TENM3: variants seen among roughly 807,000 people sequenced by gnomAD.
TENM3 encodes the protein teneurin-3.
In TENM3, 63 loss-of-function variants were observed where a neutral mutation model predicts 255.1. The ratio of observed to expected loss-of-function variants is 0.25; its 90% confidence interval spans 0.20 to 0.30. TENM3 has a LOEUF of 0.30. TENM3 is among the 10% of genes least tolerant of loss of function. The probability of loss-of-function intolerance (pLI) is 1.00; values close to 1 mark genes in which losing one functional copy is unlikely to be tolerated. For missense variants in TENM3, 2,929 were observed against 3,461.1 expected (o/e 0.85, Z 3.86); for synonymous variants, 1,306 against 1,322.3 (o/e 0.99, Z 0.27).
chr4:181,997,330 C>T, the TENM3 span, among the ~76,000 whole-genome samples: 1 of 152,200 alleles, frequency 6.6e-6, no homozygotes, highest in East Asian at 1.9e-4. Context: ...ACGTGTGATA[C>T]CTTTCAACGG....
chr4:181,506,527 A>G, the TENM3 span, among the ~76,000 whole-genome samples: 1 of 152,152 alleles, frequency 6.6e-6, no homozygotes. Context: ...ATCATGGAGA[A>G]GTCAAGGGAT....
At chr4:182,482,464 C>G (rs1441501805) in intron 3 of TENM3, among the ~76,000 whole-genome samples, 1 of 151,988 alleles carries the variant, frequency 6.6e-6, no homozygotes, top group Non-Finnish European at 1.5e-5. Flanking sequence ...AAAAAAATTA[C>G]CCTTCAGTGT....
the TENM3 span, among the ~76,000 whole-genome samples, chr4:181,727,513 G>A: frequency 3.3e-5 from 5 of 152,136 alleles, no homozygotes; most frequent in Admixed American, 3.3e-4. Context: ...ATCACAGCTT[G>A]AGAAAAAATA....
At chr4:181,461,128 A>G in the TENM3 span, among the ~76,000 whole-genome samples, 6 of 151,990 alleles carry the variant, frequency 3.9e-5, no homozygotes. Context: ...AAATATTTTC[A>G]CTAGAAATAT....
chr4:181,465,023 CTG>C, the TENM3 span, among the ~76,000 whole-genome samples: 1 of 152,098 alleles, frequency 6.6e-6, no homozygotes, highest in African/African-American at 2.4e-5. Context: ...ATCTAAAAAA[CTG>C]TCATCTAACC....
chr4:182,236,359 A>C (rs576456346), intron 1 of TENM3, among the ~76,000 whole-genome samples: 1 of 152,228 alleles, frequency 6.6e-6, no homozygotes, highest in Non-Finnish European at 1.5e-5. Flanking sequence ...TCACTCCTGC[A>C]TCAGTGTGGT....
At chr4:182,683,576 T>A (rs974757159) in intron 11 of TENM3, among the ~76,000 whole-genome samples, 16 of 152,218 alleles carry the variant, frequency 1.1e-4, no homozygotes, top group Admixed American at 1.0e-3. Flanking sequence ...AATATCATTA[T>A]ATTCAAGGGA....
chr4:181,602,670 A>C, the TENM3 span, among the ~76,000 whole-genome samples: 1 of 152,198 alleles, frequency 6.6e-6, no homozygotes, highest in Non-Finnish European at 1.5e-5. Context: ...GAATTGTACT[A>C]GTTATTCTTT....
chr4:182,062,502 T>C, the TENM3 span, among the ~76,000 whole-genome samples: 5 of 152,370 alleles, frequency 3.3e-5, no homozygotes, highest in East Asian at 9.6e-4. Flanking sequence ...CTATGCATGG[T>C]ATTACTTTTA....
the TENM3 span, among the ~76,000 whole-genome samples, chr4:182,092,596 A>G: frequency 3.9e-5 from 6 of 152,136 alleles, no homozygotes; most frequent in Admixed American, 3.9e-4. Flanking sequence ...TGCAGTGGCC[A>G]TGATTGTGCC....
the TENM3 span, among the ~76,000 whole-genome samples, chr4:182,043,234 T>C: frequency 0.037 from 5,608 of 152,290 alleles, 151 homozygotes; most frequent in Middle Eastern, 0.068. Context: ...TAGCTAGCTA[T>C]GTTACGTGCC....
At chr4:181,778,033 TC>T in the TENM3 span, among the ~76,000 whole-genome samples, 2 of 152,142 alleles carry the variant, frequency 1.3e-5, no homozygotes, top group African/African-American at 4.8e-5. Context: ...GCAATCCATG[TC>T]TGCACAGGAT....
intron 4 of TENM3, among the ~76,000 whole-genome samples, chr4:182,606,873 G>A (rs966919455): frequency 6.6e-6 from 1 of 152,094 alleles, no homozygotes; most frequent in African/African-American, 2.4e-5. Context: ...ATTCTCAGGA[G>A]TCAGTATTGA....
intron 3 of TENM3, among the ~76,000 whole-genome samples, chr4:182,360,071 C>T (rs1218208754): frequency 1.3e-5 from 2 of 151,920 alleles, no homozygotes; most frequent in Non-Finnish European, 2.9e-5. Flanking sequence ...TTTGATTGCA[C>T]TGTGGTCTGA....
At chr4:181,546,543 G>C in the TENM3 span, among the ~76,000 whole-genome samples, 3,686 of 143,914 alleles carry the variant, frequency 0.026, 115 homozygotes, top group East Asian at 0.14. Flanking sequence ...GTGAAACCCC[G>C]TCTCTACTAA....
intron 1 of TENM3, among the ~76,000 whole-genome samples, chr4:182,164,664 A>C (rs756182968): frequency 2.0e-5 from 3 of 152,178 alleles, no homozygotes; most frequent in Non-Finnish European, 4.4e-5. Flanking sequence ...CTTGATTGTC[A>C]TGCCCCTAAA....
intron 6 of TENM3, among the ~76,000 whole-genome samples, chr4:182,660,324 T>C (rs1272867611): frequency 6.6e-6 from 1 of 152,200 alleles, no homozygotes; most frequent in Non-Finnish European, 1.5e-5. Context: ...CGAAGGGCCA[T>C]GCATCAAGTA....
At chr4:181,628,779 C>G in the TENM3 span, among the ~76,000 whole-genome samples, 1 of 152,182 alleles carries the variant, frequency 6.6e-6, no homozygotes, top group African/African-American at 2.4e-5. Flanking sequence ...ATGCCTCCAT[C>G]TTTGTTCTTT....
intron 3 of TENM3, among the ~76,000 whole-genome samples, chr4:182,439,718 A>G (rs776793230): frequency 3.3e-4 from 51 of 152,342 alleles, no homozygotes; most frequent in Middle Eastern, 3.4e-3. Flanking sequence ...TCTCCTTTAG[A>G]TCGAAAATTG....
Sources: allele counts gnomAD v4.1 joint callset (sites outside exome capture counted in the v4.1 genomes callset), GRCh38; gene constraint gnomAD v4.1.1; transcripts MANE v1.5; gene names NCBI Gene and HGNC (gene_info 2026-07-23, HGNC 2026-07-21).